The following KCNQ5 variants were observed in gnomAD, a reference collection of about 807,000 sequenced individuals.
KCNQ5 encodes the protein potassium voltage-gated channel subfamily KQT member 5.
KCNQ5 carries 30 observed loss-of-function variants against 98.2 expected under a neutral mutation model. The observed-to-expected ratio is 0.31, with a 90% CI of 0.23 to 0.41. KCNQ5 has a LOEUF of 0.41. Among genes scored for constraint, KCNQ5 ranks in the 10% least tolerant of loss-of-function variants. The pLI, the probability that KCNQ5 is intolerant of heterozygous loss-of-function variation, is 1.00. For synonymous variants in KCNQ5, 458 were observed against 449.4 expected (o/e 1.02, Z -0.24); for missense variants, 835 against 1,182.5 (o/e 0.71, Z 4.31).
intron 1 of KCNQ5, among the ~76,000 whole-genome samples, chr6:72,736,140 G>C (rs1770819289): frequency 6.6e-6 from 1 of 151,438 alleles, no homozygotes; most frequent in South Asian, 2.1e-4. Context: ...TTTAACATAA[G>C]ATTTGTGACA....
chr6:72,987,241 G>C, intron 1 of KCNQ5: 1 of 690,670 alleles, frequency 1.4e-6, no homozygotes, highest in South Asian at 1.4e-5. Context: ...AAAGAGAGTG[G>C]GGCAGCAAGA....
Position 73,129,805 on chromosome 6 carries a change from T to C in KCNQ5, c.1248-3616T>C, listed in dbSNP as rs1477881523. 5.0e-6 allele frequency: 8 copies of C among 1,612,738 alleles called. No individual in the cohort carries two copies. The South Asian group carries it at 7.7e-5, about 16-fold the overall frequency. ...CCCTCACTCCTAGTAAGTTCTGTAGTAATAAGCAGAAGCTCTTCAGAATGT... is the reference window on the plus strand; with the variant it reads ...CCCTCACTCCTAGTAAGTTCTGTAGCAATAAGCAGAAGCTCTTCAGAATGT... On this transcript the variant is annotated intron_variant, in intron 9 of 13. Coordinates refer to ENST00000370398, the MANE Select transcript of KCNQ5 (RefSeq NM_019842.4).
intron 1 of KCNQ5, chr6:72,806,842 T>G: frequency 2.2e-6 from 1 of 448,598 alleles, no homozygotes; most frequent in South Asian, 1.6e-5. Context: ...TTTCAAATTT[T>G]ATTTATTAAT....
chr6:72,945,218 T>G (rs1041563765), intron 1 of KCNQ5, among the ~76,000 whole-genome samples: 1 of 152,138 alleles, frequency 6.6e-6, no homozygotes, highest in Non-Finnish European at 1.5e-5. Context: ...TCCTACAAAT[T>G]TAAGGGAAAA....
intron 2 of KCNQ5, among the ~76,000 whole-genome samples, chr6:73,018,285 G>A (rs920620670): frequency 2.6e-5 from 4 of 152,066 alleles, no homozygotes; most frequent in Admixed American, 1.3e-4. Context: ...AGCCTACAGC[G>A]GTGGAGAATT....
At chr6:72,825,176 G>A (rs763340960) in intron 1 of KCNQ5, among the ~76,000 whole-genome samples, 9 of 152,012 alleles carry the variant, frequency 5.9e-5, no homozygotes, top group Admixed American at 2.0e-4. Context: ...ATTTAGGCTG[G>A]GAGACTGGGC....
rs9446745 is a variant in KCNQ5, at chr6:72,748,893, G to T, written c.398+126306G>T. Reference sequence around the variant, plus strand: ...AGAAAACAAATGTTTTTCCTGCACTGGCTCTGACACGTTCACACATGAATG... The same window carrying T: ...AGAAAACAAATGTTTTTCCTGCACTTGCTCTGACACGTTCACACATGAATG... On this transcript the variant is annotated intron_variant, in intron 1 of 13. Transcript: ENST00000370398. Among the ~76,000 whole-genome samples the T allele has an allele frequency of 5.6e-3, 858 of 152,212 alleles. 15 individuals are homozygous for T. Among genetic ancestry groups the T allele is most frequent in the African/African-American group, 0.02 (832 of 41,520 alleles).
chr6:73,189,913 TC>T (rs904057777), intron 11 of KCNQ5, among the ~76,000 whole-genome samples: 13 of 151,140 alleles, frequency 8.6e-5, no homozygotes, highest in African/African-American at 2.4e-5. Context: ...ATGCCTGTAG[TC>T]CCAGCACTTA....
intron 1 of KCNQ5, among the ~76,000 whole-genome samples, chr6:72,695,349 T>C (rs1336320942): frequency 3.9e-5 from 6 of 152,240 alleles, no homozygotes; most frequent in African/African-American, 1.2e-4. Flanking sequence ...TTTTTCTTTA[T>C]GATTTTTTAA....
chr6:72,630,724 A>C (rs530806295), intron 1 of KCNQ5: 212 of 152,314 alleles, frequency 1.4e-3, no homozygotes, highest in African/African-American at 5.1e-3. Context: ...ATTAACAGTT[A>C]GCATGGTGGC....
chr6:72,852,850 T>C (rs917988388), intron 1 of KCNQ5, among the ~76,000 whole-genome samples: 4 of 151,662 alleles, frequency 2.6e-5, no homozygotes, highest in Non-Finnish European at 5.9e-5. Context: ...TCTCTAATTA[T>C]TGTATTGCCT....
intron 1 of KCNQ5, among the ~76,000 whole-genome samples, chr6:72,690,136 G>A (rs1768141206): frequency 6.6e-6 from 1 of 152,064 alleles, no homozygotes; most frequent in African/African-American, 2.4e-5. Context: ...AGCTGGGTAT[G>A]ATGGCGGATG....
chr6:73,021,852 A>T (rs942512190), intron 2 of KCNQ5, among the ~76,000 whole-genome samples: 1 of 152,196 alleles, frequency 6.6e-6, no homozygotes, highest in Non-Finnish European at 1.5e-5. Flanking sequence ...TGTGGAACAC[A>T]AGTTTCAAAG....
intron 1 of KCNQ5, among the ~76,000 whole-genome samples, chr6:72,946,851 CT>C (rs2150248104): frequency 1.3e-5 from 2 of 152,246 alleles, no homozygotes; most frequent in East Asian, 3.9e-4. Context: ...AGGAAGATTC[CT>C]TTCTCTTTTT....
At chr6:72,817,436 G>A (rs953024637) in intron 1 of KCNQ5, among the ~76,000 whole-genome samples, 1 of 152,154 alleles carries the variant, frequency 6.6e-6, no homozygotes, top group Admixed American at 6.5e-5. Context: ...TACAGCACTA[G>A]TACAAAGGCA....
intron 1 of KCNQ5, among the ~76,000 whole-genome samples, chr6:72,770,736 T>C (rs916935027): frequency 1.3e-5 from 2 of 152,182 alleles, no homozygotes; most frequent in Non-Finnish European, 2.9e-5. Context: ...TGCATGCGAA[T>C]ATCATTTTAG....
intron 1 of KCNQ5, among the ~76,000 whole-genome samples, chr6:72,767,243 G>A (rs1304614847): frequency 1.3e-5 from 2 of 151,928 alleles, no homozygotes; most frequent in East Asian, 3.9e-4. Flanking sequence ...TTAAAATCAA[G>A]AGTGAAATCA....
chr6:72,893,631 G>T (rs1779141824), intron 1 of KCNQ5, among the ~76,000 whole-genome samples: 1 of 152,184 alleles, frequency 6.6e-6, no homozygotes, highest in African/African-American at 2.4e-5. Flanking sequence ...CTTTGTATAT[G>T]AATTTGTTCT....
intron 3 of KCNQ5, among the ~76,000 whole-genome samples, chr6:73,071,485 C>A (rs1773297349): frequency 6.6e-6 from 1 of 152,082 alleles, no homozygotes; most frequent in Admixed American, 6.6e-5. Flanking sequence ...AAGGAATACA[C>A]AAAGCTGGGT....
Sources: gnomAD v4.1 joint callset for allele counts (sites outside exome capture counted in the v4.1 genomes callset) on GRCh38, gnomAD v4.1.1 for gene constraint, MANE v1.5 for transcripts, NCBI Gene and HGNC (gene_info 2026-07-23, HGNC 2026-07-21) for gene names.